The following GRM8 variants were observed in gnomAD, a reference collection of about 807,000 sequenced individuals.
The protein encoded by GRM8 is glutamate metabotropic receptor 8.
Under a neutral mutation model 87.2 loss-of-function variants are expected in GRM8, and 47 were observed. The ratio of observed to expected loss-of-function variants is 0.54; its 90% confidence interval spans 0.43 to 0.69. GRM8 has a LOEUF of 0.69. GRM8 is among the 30% of genes least tolerant of loss of function. GRM8 has a pLI of 0.00. For synonymous variants in GRM8, 396 were observed against 404.5 expected (o/e 0.98, Z 0.25); for missense variants, 1,019 against 1,139.2 (o/e 0.89, Z 1.52).
rs757802889 is a variant in GRM8 at position 127,243,150 on chromosome 7, C to T, written c.55G>A (p.Ala19Thr). 8 of 1,613,296 alleles carry T rather than the reference C, an allele frequency of 5.0e-6. No individual in the cohort carries two copies. The highest frequency in any genetic ancestry group is 3.3e-4 in the Middle Eastern group (2 of 6,058). ...ASCPCFFLLT[A>T]KFYWILTMMQ... ...ATTGTGAGGATCCAGTAGAACTTGG[C>T]GGTCAAGAGGAAGAAACAAGGGCAA... is the stretch of plus-strand genomic sequence containing the variant. Residue 19 changes from alanine (A) to threonine (T), a missense_variant, in exon 2 of 11, where the codon GCC becomes ACC. By Grantham distance (58) the Ala-to-Thr change is moderately conservative. Coordinates refer to ENST00000339582, the MANE Select transcript of GRM8 (RefSeq NM_000845.3).
intron 7 of GRM8, among the ~76,000 whole-genome samples, chr7:126,765,281 T>A (rs922450112): frequency 6.6e-6 from 1 of 152,086 alleles, no homozygotes; most frequent in African/African-American, 2.4e-5. Context: ...TTTTTTCTTA[T>A]AGGTTTTTAT....
chr7:126,783,389 G>A (rs772784687), intron 6 of GRM8, among the ~76,000 whole-genome samples: 2 of 152,154 alleles, frequency 1.3e-5, no homozygotes, highest in Non-Finnish European at 2.9e-5. Flanking sequence ...AATATTCTGT[G>A]AAGAGCCACT....
intron 7 of GRM8, among the ~76,000 whole-genome samples, chr7:126,664,062 A>G (rs942773195): frequency 1.3e-5 from 2 of 152,158 alleles, no homozygotes; most frequent in Non-Finnish European, 2.9e-5. Context: ...ATACACACAA[A>G]TCTAGGAATA....
chr7:126,578,429 TGGA>T (rs976442502), intron 8 of GRM8, among the ~76,000 whole-genome samples: 2 of 152,146 alleles, frequency 1.3e-5, no homozygotes, highest in Admixed American at 1.3e-4. Context: ...GCAAGTGGTG[TGGA>T]GAAGAATACA....
chr7:126,565,093 G>A (rs193254106), intron 8 of GRM8, among the ~76,000 whole-genome samples: 16 of 152,180 alleles, frequency 1.1e-4, no homozygotes, highest in African/African-American at 3.6e-4. Context: ...AAGCCTACAG[G>A]TAACATCACA....
intron 6 of GRM8, among the ~76,000 whole-genome samples, chr7:126,898,205 AG>A (rs1801729822): frequency 6.6e-6 from 1 of 152,206 alleles, no homozygotes; most frequent in African/African-American, 2.4e-5. Flanking sequence ...AAACTTTTTA[AG>A]GCCACATTTT....
chr7:126,864,729 T>C (rs1233330744), intron 6 of GRM8, among the ~76,000 whole-genome samples: 1 of 152,218 alleles, frequency 6.6e-6, no homozygotes, highest in Non-Finnish European at 1.5e-5. Flanking sequence ...TGATTCATTT[T>C]CTGATATTGC....
At chr7:126,730,050 G>A (rs1242560993) in intron 7 of GRM8, among the ~76,000 whole-genome samples, 1 of 152,038 alleles carries the variant, frequency 6.6e-6, no homozygotes, top group Non-Finnish European at 1.5e-5. Flanking sequence ...AAAACACATC[G>A]ATCAAATAAG....
At chr7:127,169,036 TTTTA>T (rs1454888708) in intron 2 of GRM8, among the ~76,000 whole-genome samples, 2 of 151,304 alleles carry the variant, frequency 1.3e-5, no homozygotes, top group African/African-American at 4.9e-5. Flanking sequence ...TAATAAAATG[TTTTA>T]TTTATTTCTA....
chr7:127,203,276 A>G (rs995783976), intron 2 of GRM8, among the ~76,000 whole-genome samples: 8 of 152,202 alleles, frequency 5.3e-5, no homozygotes, highest in African/African-American at 1.9e-4. Flanking sequence ...ACTGGGGGTT[A>G]TAAGGGGTGC....
intron 2 of GRM8, among the ~76,000 whole-genome samples, chr7:127,127,952 A>G (rs1178766997): frequency 6.6e-6 from 1 of 151,984 alleles, no homozygotes; most frequent in Non-Finnish European, 1.5e-5. Flanking sequence ...TATTCTGTTT[A>G]CCTTCAAAAT....
intron 3 of GRM8, among the ~76,000 whole-genome samples, chr7:126,991,319 G>C (rs1398048421): frequency 6.6e-6 from 1 of 152,142 alleles, no homozygotes; most frequent in Non-Finnish European, 1.5e-5. Flanking sequence ...GTTTTAGTCA[G>C]AAGCATTTTT....
chr7:126,718,817 A>G (rs1307383886), intron 7 of GRM8, among the ~76,000 whole-genome samples: 1 of 152,204 alleles, frequency 6.6e-6, no homozygotes, highest in African/African-American at 2.4e-5. Context: ...TGAACTCCTT[A>G]GAGATACTCA....
chr7:126,768,191 T>C (rs568438721), intron 7 of GRM8, among the ~76,000 whole-genome samples: 9 of 152,044 alleles, frequency 5.9e-5, no homozygotes, highest in African/African-American at 1.9e-4. Flanking sequence ...TCAGCACTCA[T>C]TGCAGATTAC....
chr7:126,605,332 A>G (rs1281066172), intron 8 of GRM8, among the ~76,000 whole-genome samples: 1 of 152,216 alleles, frequency 6.6e-6, no homozygotes, highest in African/African-American at 2.4e-5. Context: ...GTGTGGGCCG[A>G]GATTACTGAG....
intron 3 of GRM8, among the ~76,000 whole-genome samples, chr7:126,945,863 A>T (rs1329227592): frequency 6.6e-6 from 1 of 152,168 alleles, no homozygotes; most frequent in Non-Finnish European, 1.5e-5. Context: ...GAATACACAG[A>T]ATTATTAATA....
chr7:126,828,570 A>C (rs904819765), intron 6 of GRM8, among the ~76,000 whole-genome samples: 12 of 152,174 alleles, frequency 7.9e-5, no homozygotes, highest in African/African-American at 2.9e-4. Context: ...CCCCTTTATC[A>C]TTTTTTATTG....
At chr7:126,658,800 C>T (rs569356444) in intron 7 of GRM8, among the ~76,000 whole-genome samples, 6 of 151,958 alleles carry the variant, frequency 3.9e-5, no homozygotes, top group Non-Finnish European at 7.4e-5. Context: ...CTGCCGGGCC[C>T]GCCCAGCAGA....
chr7:126,595,752 C>T (rs972404463), intron 8 of GRM8, among the ~76,000 whole-genome samples: 2 of 152,098 alleles, frequency 1.3e-5, no homozygotes, highest in Non-Finnish European at 2.9e-5. Context: ...ATTCAGTCTA[C>T]TGTTGATGGG....
Sources: gnomAD v4.1 joint callset for allele counts (sites outside exome capture counted in the v4.1 genomes callset) on GRCh38, gnomAD v4.1.1 for gene constraint, MANE v1.5 for transcripts, NCBI Gene and HGNC (gene_info 2026-07-23, HGNC 2026-07-21) for gene names.